The following RAB8B variants were observed in gnomAD, a reference collection of about 807,000 sequenced individuals.
RAB8B encodes RAB8B, member RAS oncogene family.
In RAB8B, 11 loss-of-function variants were observed where a neutral mutation model predicts 32.0. The ratio of observed to expected loss-of-function variants is 0.34; its 90% CI spans 0.22 to 0.57. RAB8B has a LOEUF of 0.57. Among genes scored for constraint, RAB8B ranks in the 20% least tolerant of loss-of-function variants. The pLI, the probability that RAB8B is intolerant of heterozygous loss-of-function variation, is 0.86. For missense variants in RAB8B, 190 were observed against 258.5 expected, an observed-to-expected ratio of 0.73 and a Z score of 1.82; for synonymous variants, 103 against 89.6, an observed-to-expected ratio of 1.15 and a Z score of -0.85.
intron 1 of RAB8B, among the ~76,000 whole-genome samples, chr15:63,240,124 G>C (rs927178022): frequency 2.6e-5 from 4 of 152,106 alleles, no homozygotes; most frequent in Non-Finnish European, 5.9e-5. Flanking sequence ...CATCTGGTGG[G>C]AAAGGCTGTA....
chr15:63,200,161 T>C (rs1326673705), intron 1 of RAB8B, among the ~76,000 whole-genome samples: 1 of 152,212 alleles, frequency 6.6e-6, no homozygotes, highest in East Asian at 1.9e-4. Flanking sequence ...TCAAACAGTG[T>C]CTATAAAAGG....
intron 1 of RAB8B, among the ~76,000 whole-genome samples, chr15:63,196,998 T>C (rs573210529): frequency 1.3e-5 from 2 of 152,312 alleles, no homozygotes; most frequent in East Asian, 3.9e-4. Flanking sequence ...CTTCAAACAA[T>C]GCAACAGATG....
Position 63,265,694 on chromosome 15 carries a change from A to G in RAB8B, c.*2075A>G, listed in dbSNP as rs1287429591. 1 of 152,370 alleles carries G rather than the reference A, an allele frequency of 6.6e-6. No homozygotes were observed. The highest frequency in any genetic ancestry group is 1.5e-5 in the Non-Finnish European group (1 of 67,938). 9.4% of individuals were successfully genotyped at this position (152,370 alleles called of 1,614,324 possible). A position where few individuals can be genotyped will look rare whatever the true frequency, so the allele number is the denominator to read the frequency against. On this transcript the variant is annotated 3_prime_UTR_variant, in exon 8 of 8. Coordinates refer to ENST00000321437, the MANE Select transcript of RAB8B (RefSeq NM_016530.3). The surrounding 1 kb of genome is among the most constrained non-coding windows in gnomAD (Gnocchi z 4.9). Reference sequence around the variant, plus strand: ...TTAACGCTTTGGTTTATATAATCTCAGGGGTTGTCTGCAAACCAAAACTGA... The same window carrying G: ...TTAACGCTTTGGTTTATATAATCTCGGGGGTTGTCTGCAAACCAAAACTGA...
intron 1 of RAB8B, among the ~76,000 whole-genome samples, chr15:63,241,952 A>G (rs2038035637): frequency 6.6e-6 from 1 of 151,966 alleles, no homozygotes; most frequent in East Asian, 2.0e-4. Flanking sequence ...TGTCACCTTT[A>G]CAGACCCTGA....
At chr15:63,234,566 C>A (rs2037962580) in intron 1 of RAB8B, among the ~76,000 whole-genome samples, 2 of 152,182 alleles carry the variant, frequency 1.3e-5, no homozygotes, top group African/African-American at 4.8e-5. Flanking sequence ...GCTGGCCAAG[C>A]CCTTCCCCTC....
At chr15:63,227,412 G>T (rs2037897924) in intron 1 of RAB8B, among the ~76,000 whole-genome samples, 2 of 149,920 alleles carry the variant, frequency 1.3e-5, no homozygotes, top group South Asian at 4.4e-4. Flanking sequence ...TGAGTGAATA[G>T]TTCTGTTTTT....
At chr15:63,205,521 C>A (rs1378622491) in intron 1 of RAB8B, among the ~76,000 whole-genome samples, 1 of 151,688 alleles carries the variant, frequency 6.6e-6, no homozygotes, top group Non-Finnish European at 1.5e-5. Flanking sequence ...AAAAAATACT[C>A]ACACACACAC....
Position 63,263,551 on chromosome 15 carries a change from G to C in RAB8B, c.556G>C (p.Gly186Arg). The C allele has an allele frequency of 6.2e-7, 1 of 1,612,368 alleles. No homozygotes were observed. Among genetic ancestry groups the C allele is most frequent in the South Asian group, 1.1e-5 (1 of 91,046 alleles). ...GAATGACAGCAATTCAGCAGGAGCA[G>C]GTGGACCAGTGAAAATAACAGAAAA... ...KMNDSNSAGAGGPVKITENRS... is the reference protein window; with the variant it reads ...KMNDSNSAGARGPVKITENRS... Residue 186 changes from glycine to arginine, a missense_variant, in exon 8 of 8, where the codon GGT becomes CGT. By Grantham distance (125) the Gly-to-Arg change is moderately radical. Coordinates refer to ENST00000321437, the MANE Select transcript of RAB8B (RefSeq NM_016530.3).
intron 1 of RAB8B, among the ~76,000 whole-genome samples, chr15:63,208,481 G>A (rs1162519418): frequency 6.6e-6 from 1 of 152,046 alleles, no homozygotes; most frequent in Non-Finnish European, 1.5e-5. Context: ...CTCTAAGGGA[G>A]GTAAGTTTTC....
At chr15:63,203,641 C>T (rs528607453) in intron 1 of RAB8B, among the ~76,000 whole-genome samples, 3 of 152,324 alleles carry the variant, frequency 2.0e-5, no homozygotes, top group Non-Finnish European at 4.4e-5. Context: ...TTACTGTATA[C>T]CAAATTCTAG....
At chr15:63,220,637 C>T (rs1411993011) in intron 1 of RAB8B, among the ~76,000 whole-genome samples, 2 of 151,804 alleles carry the variant, frequency 1.3e-5, no homozygotes, top group Admixed American at 6.6e-5. Flanking sequence ...TTAAAGTTAC[C>T]CAAATATGTA....
At chr15:63,221,594 C>T (rs2037844928) in intron 1 of RAB8B, among the ~76,000 whole-genome samples, 1 of 152,066 alleles carries the variant, frequency 6.6e-6, no homozygotes, top group Non-Finnish European at 1.5e-5. Context: ...CCGAACTGCC[C>T]AGTTAATTGT....
At chr15:63,255,452 T>C in intron 3 of RAB8B, 55 bp from the exon 4 acceptor site, 1 of 1,222,786 alleles carries the variant, frequency 8.2e-7, no homozygotes, top group Non-Finnish European at 1.2e-6. Context: ...TGACATTATA[T>C]ACTATAACTT....
chr15:63,249,999 G>A (rs938924716), intron 3 of RAB8B, among the ~76,000 whole-genome samples: 7 of 152,102 alleles, frequency 4.6e-5, no homozygotes, highest in Non-Finnish European at 7.4e-5. Context: ...AGCCGGGCGC[G>A]GTGGTGGGCG....
Position 63,263,855 on chromosome 15 carries a change from G to A in RAB8B, c.*236G>A, listed in dbSNP as rs1267576181. 9 of 408,664 alleles carry A rather than the reference G, an allele frequency of 2.2e-5. No individual in the cohort carries two copies. In the Middle Eastern group the frequency reaches 9.3e-4, roughly 42 times the overall value. 25.3% of individuals were successfully genotyped at this position (408,664 alleles called of 1,614,324 possible). A position where few individuals can be genotyped will look rare whatever the true frequency, so the allele number is the denominator to read the frequency against. ...TGGAGACACATGCAGGACCTAACTC[G>A]TTTTTTCCTTGTTTTATTACCTGTT... On this transcript the variant is annotated 3_prime_UTR_variant, in exon 8 of 8. Coordinates refer to ENST00000321437, the MANE Select transcript of RAB8B (RefSeq NM_016530.3).
chr15:63,263,210 C>G (rs1242857811), intron 7 of RAB8B, among the ~76,000 whole-genome samples: 1 of 152,164 alleles, frequency 6.6e-6, no homozygotes, highest in Non-Finnish European at 1.5e-5. Context: ...ATGCCAGTAT[C>G]TTAACATTGT....
intron 2 of RAB8B, 66 bp from the exon 3 acceptor site, chr15:63,249,579 C>A: frequency 6.9e-7 from 1 of 1,442,640 alleles, no homozygotes; most frequent in Non-Finnish European, 9.7e-7. Context: ...TCTCCTACAG[C>A]AGGGTTTCTC....
At chr15:63,239,839 A>G (rs1283914272) in intron 1 of RAB8B, among the ~76,000 whole-genome samples, 1 of 152,152 alleles carries the variant, frequency 6.6e-6, no homozygotes, top group African/African-American at 2.4e-5. Flanking sequence ...TGGCAAAGAG[A>G]GGATGGAGTC....
intron 3 of RAB8B, among the ~76,000 whole-genome samples, chr15:63,252,818 G>A (rs889611032): frequency 6.7e-6 from 1 of 149,264 alleles, no homozygotes; most frequent in African/African-American, 2.5e-5. Flanking sequence ...GCACGATCTC[G>A]GCTCACTGCA....
Sources: gnomAD v4.1 joint callset for allele counts (sites outside exome capture counted in the v4.1 genomes callset) on GRCh38, gnomAD v4.1.1 for gene constraint, Gnocchi (gnomAD v3.1) non-coding constraint, MANE v1.5 for transcripts, NCBI Gene and HGNC (gene_info 2026-07-23, HGNC 2026-07-21) for gene names.